Variants in NEGR1 observed in about 807,000 individuals in gnomAD.
NEGR1 encodes neuronal growth regulator 1, also known as IgLON family member 4.
NEGR1 carries 10 observed loss-of-function variants against 40.9 expected under a neutral mutation model. The observed-to-expected ratio is 0.24, with a 90% CI of 0.15 to 0.42. NEGR1 has a LOEUF of 0.42. NEGR1 is among the 10% of genes least tolerant of loss of function. The pLI, the probability that NEGR1 is intolerant of heterozygous loss-of-function variation, is 1.00. For synonymous variants in NEGR1, 185 were observed against 166.8 expected (o/e 1.11, Z -0.84); for missense variants, 352 against 438.9 (o/e 0.80, Z 1.77).
intron 6 of NEGR1, among the ~76,000 whole-genome samples, chr1:71,465,460 C>T (rs1473903655): frequency 6.6e-6 from 1 of 152,034 alleles, no homozygotes; most frequent in African/African-American, 2.4e-5. Context: ...GTATCTACCC[C>T]TAGTCTTCTG....
chr1:71,683,165 G>A (rs1451092035), intron 4 of NEGR1, among the ~76,000 whole-genome samples: 1 of 152,082 alleles, frequency 6.6e-6, no homozygotes, highest in Non-Finnish European at 1.5e-5. Flanking sequence ...AACGAGGCAG[G>A]AAATATTCCT....
At chr1:71,478,194 G>A (rs1173600971) in intron 6 of NEGR1, among the ~76,000 whole-genome samples, 3 of 151,972 alleles carry the variant, frequency 2.0e-5, no homozygotes, top group Admixed American at 1.3e-4. Flanking sequence ...GTGTACACAT[G>A]TGTATCGAAT....
intron 1 of NEGR1, among the ~76,000 whole-genome samples, chr1:72,276,127 C>T (rs149604476): frequency 1.3e-5 from 2 of 151,954 alleles, no homozygotes; most frequent in African/African-American, 4.8e-5. Context: ...AAGTGTAAGT[C>T]ATGTGATGTC....
At chr1:71,510,285 T>C (rs1190819448) in intron 6 of NEGR1, among the ~76,000 whole-genome samples, 1 of 152,028 alleles carries the variant, frequency 6.6e-6, no homozygotes, top group African/African-American at 2.4e-5. Context: ...CCTGATACTA[T>C]TAAAAACCAA....
At chr1:72,139,484 T>G (rs1160737740) in intron 1 of NEGR1, among the ~76,000 whole-genome samples, 1 of 152,056 alleles carries the variant, frequency 6.6e-6, no homozygotes, top group Non-Finnish European at 1.5e-5. Flanking sequence ...ATTTTAAATG[T>G]ATAACTAGGG....
At chr1:71,866,339 G>C (rs144465492) in intron 2 of NEGR1, among the ~76,000 whole-genome samples, 1 of 152,080 alleles carries the variant, frequency 6.6e-6, no homozygotes, top group African/African-American at 2.4e-5. Context: ...AATTGTTTTT[G>C]ACATAATGTT....
chr1:72,020,815 G>A (rs933279349), intron 1 of NEGR1, among the ~76,000 whole-genome samples: 3 of 152,136 alleles, frequency 2.0e-5, no homozygotes, highest in African/African-American at 4.8e-5. Context: ...ATATTTAAAT[G>A]ATGTAGCTAT....
chr1:71,577,768 T>C (rs1047947273), intron 6 of NEGR1, among the ~76,000 whole-genome samples: 9 of 152,136 alleles, frequency 5.9e-5, no homozygotes, highest in African/African-American at 1.9e-4. Context: ...TAACCTAACA[T>C]AATATTTTCC....
chr1:71,481,285 GA>G (rs890680426), intron 6 of NEGR1, among the ~76,000 whole-genome samples: 51 of 146,190 alleles, frequency 3.5e-4, no homozygotes, highest in African/African-American at 8.5e-4. Context: ...TGAAGGAACT[GA>G]AAAAAAAAAC....
chr1:71,765,124 A>T (rs917505388), intron 3 of NEGR1, among the ~76,000 whole-genome samples: 2 of 152,166 alleles, frequency 1.3e-5, no homozygotes, highest in Non-Finnish European at 2.9e-5. Flanking sequence ...AAGTATGCTC[A>T]GCAAATCAAT....
At position 71,788,657 on chromosome 1, in the gene NEGR1, G is replaced by A. The variant is rs549719111; in HGVS notation, c.410-12360C>T. Among the ~76,000 whole-genome samples, 304 of 151,820 alleles carry A rather than the reference G, an allele frequency of 2.0e-3. 1 individual carries two copies. The highest frequency in any genetic ancestry group is 7.1e-3 in the African/African-American group (292 of 41,378). On this transcript the variant is annotated intron_variant, in intron 2 of 6. Transcript: ENST00000357731. ...TTGCCTTAGATCTACAGTTAGATACGTACTGTATTGAATACAAGCATGTGT... is the reference window on the plus strand; with the variant it reads ...TTGCCTTAGATCTACAGTTAGATACATACTGTATTGAATACAAGCATGTGT...
intron 6 of NEGR1, among the ~76,000 whole-genome samples, chr1:71,480,905 A>T (rs1465455615): frequency 6.6e-6 from 1 of 151,934 alleles, no homozygotes; most frequent in African/African-American, 2.4e-5. Flanking sequence ...AACTCACCTA[A>T]AAATTATATA....
At chr1:71,591,156 C>T (rs1395474485) in intron 6 of NEGR1, among the ~76,000 whole-genome samples, 1 of 152,088 alleles carries the variant, frequency 6.6e-6, no homozygotes, top group Non-Finnish European at 1.5e-5. Context: ...AAGATTTTCA[C>T]ATTTGCCTTT....
chr1:72,196,312 A>T (rs1401354259), intron 1 of NEGR1, among the ~76,000 whole-genome samples: 1 of 152,056 alleles, frequency 6.6e-6, no homozygotes, highest in Non-Finnish European at 1.5e-5. Context: ...CTAAATAAAA[A>T]ACATTTCTGT....
intron 1 of NEGR1, among the ~76,000 whole-genome samples, chr1:72,152,170 A>T (rs1651150477): frequency 6.6e-6 from 1 of 151,910 alleles, no homozygotes; most frequent in Admixed American, 6.6e-5. Flanking sequence ...ATATTCTTTG[A>T]CCATAATCTA....
At chr1:72,007,428 T>C (rs1646617441) in intron 1 of NEGR1, among the ~76,000 whole-genome samples, 1 of 152,016 alleles carries the variant, frequency 6.6e-6, no homozygotes, top group Admixed American at 6.6e-5. Flanking sequence ...TTTTTTAACC[T>C]GACCAATTTT....
At chr1:71,789,789 T>C (rs1286316630) in intron 2 of NEGR1, among the ~76,000 whole-genome samples, 3 of 152,040 alleles carry the variant, frequency 2.0e-5, no homozygotes, top group Non-Finnish European at 4.4e-5. Flanking sequence ...AACACTCCAG[T>C]CTCGTCACTT....
At chr1:71,695,851 T>C (rs1248884080) in intron 4 of NEGR1, among the ~76,000 whole-genome samples, 1 of 151,828 alleles carries the variant, frequency 6.6e-6, no homozygotes, top group Non-Finnish European at 1.5e-5. Flanking sequence ...AATTTCCCTC[T>C]CTATGGCAAA....
At position 71,928,104 on chromosome 1, in the gene NEGR1, A is replaced by G. The variant is rs201792181; in HGVS notation, c.409+6975T>C. 1.8e-3 allele frequency among the ~76,000 whole-genome samples: 47 copies of G among 26,024 alleles called. 3 individuals are homozygous for G. Among genetic ancestry groups the G allele is most frequent in the East Asian group, 1.6e-3 (4 of 2,452 alleles). 17.1% of individuals were successfully genotyped at this position (26,024 alleles called of 152,430 possible). ...TATATGTATATATACACACATATGT[A>G]TATATACACATATGTATATATACAC... On this transcript the variant is annotated intron_variant, in intron 2 of 6. Coordinates refer to ENST00000357731, the MANE Select transcript of NEGR1 (RefSeq NM_173808.3).
Sources: gnomAD v4.1 joint callset for allele counts (sites outside exome capture counted in the v4.1 genomes callset) on GRCh38, gnomAD v4.1.1 for gene constraint, MANE v1.5 for transcripts, NCBI Gene and HGNC (gene_info 2026-07-23, HGNC 2026-07-21) for gene names.